Variants in MEF2A observed in about 807,000 individuals in gnomAD.
The protein encoded by MEF2A is myocyte enhancer factor 2A.
In MEF2A, 28 loss-of-function variants were observed where a neutral mutation model predicts 55.8. The observed-to-expected ratio is 0.50, with a 90% CI of 0.37 to 0.69. The LOEUF (loss-of-function observed/expected upper bound fraction) is 0.69. MEF2A is among the 30% of genes least tolerant of loss of function. The probability of loss-of-function intolerance (pLI) is 0.00; values close to 1 mark genes in which losing one functional copy is unlikely to be tolerated. For synonymous variants in MEF2A, 239 were observed against 227.1 expected, an observed-to-expected ratio of 1.05 and a Z score of -0.47; for missense variants, 528 against 626.2, an observed-to-expected ratio of 0.84 and a Z score of 1.67.
intron 2 of MEF2A, among the ~76,000 whole-genome samples, chr15:99,610,949 C>T (rs909992335): frequency 6.6e-6 from 1 of 152,180 alleles, no homozygotes; most frequent in Non-Finnish European, 1.5e-5. Flanking sequence ...GGGACACTAT[C>T]AAGGAAATGA....
chr15:99,568,347 G>A (rs1482971355), intron 1 of MEF2A, among the ~76,000 whole-genome samples: 1 of 152,080 alleles, frequency 6.6e-6, no homozygotes, highest in Non-Finnish European at 1.5e-5. Context: ...TGTAAATGCA[G>A]TTGGAAATAA....
chr15:99,592,825 C>T (rs1969804589), intron 1 of MEF2A, among the ~76,000 whole-genome samples: 3 of 152,236 alleles, frequency 2.0e-5, no homozygotes, highest in Admixed American at 1.3e-4. Flanking sequence ...ACACCTCTCA[C>T]CAAGTCCCAC....
chr15:99,643,484 C>T (rs1013541641), intron 3 of MEF2A, among the ~76,000 whole-genome samples: 1 of 152,048 alleles, frequency 6.6e-6, no homozygotes, highest in Non-Finnish European at 1.5e-5. Context: ...TTGCTTTCCT[C>T]CATTGTATTC....
intron 4 of MEF2A, among the ~76,000 whole-genome samples, chr15:99,646,426 T>C (rs769009125): frequency 5.3e-5 from 8 of 152,156 alleles, no homozygotes; most frequent in Non-Finnish European, 1.0e-4. Flanking sequence ...AACTTTTCCA[T>C]GTGTATTTCT....
chr15:99,579,649 A>G (rs550558798), intron 1 of MEF2A, among the ~76,000 whole-genome samples: 4 of 151,972 alleles, frequency 2.6e-5, no homozygotes, highest in East Asian at 3.9e-4. Flanking sequence ...ACTTGCCTCA[A>G]CCTCCCAAAG....
intron 1 of MEF2A, among the ~76,000 whole-genome samples, chr15:99,576,565 C>T (rs1004165918): frequency 2.0e-5 from 3 of 151,192 alleles, no homozygotes; most frequent in Non-Finnish European, 4.4e-5. Context: ...GGAAACCTTT[C>T]TTTTAAGTGA....
chr15:99,577,824 G>A (rs528042796), intron 1 of MEF2A, among the ~76,000 whole-genome samples: 9 of 152,020 alleles, frequency 5.9e-5, no homozygotes, highest in African/African-American at 1.4e-4. Context: ...AGTACTGGTC[G>A]TTACTTTGTA....
intron 7 of MEF2A, among the ~76,000 whole-genome samples, chr15:99,687,062 C>CTT (rs1441340257): frequency 6.7e-6 from 1 of 150,280 alleles, no homozygotes; most frequent in Non-Finnish European, 1.5e-5. Flanking sequence ...CAGGTGCACA[C>CTT]CACCATGTCC....
intron 4 of MEF2A, among the ~76,000 whole-genome samples, chr15:99,657,717 A>G (rs2047966888): frequency 6.6e-6 from 1 of 152,078 alleles, no homozygotes; most frequent in Non-Finnish European, 1.5e-5. Flanking sequence ...GATACCCCCA[A>G]AACCCTTTAA....
intron 1 of MEF2A, among the ~76,000 whole-genome samples, chr15:99,585,090 T>C (rs1249155605): frequency 6.6e-6 from 1 of 152,214 alleles, no homozygotes; most frequent in Non-Finnish European, 1.5e-5. Context: ...TAAAAACCTA[T>C]CTTTTTAACC....
At chr15:99,672,792 A>G (rs2051135106) in intron 5 of MEF2A, among the ~76,000 whole-genome samples, 1 of 152,176 alleles carries the variant, frequency 6.6e-6, no homozygotes, top group Non-Finnish European at 1.5e-5. Context: ...TACCTTACAT[A>G]CTCATGGACT....
chr15:99,609,316 A>G (rs896324510), intron 2 of MEF2A, among the ~76,000 whole-genome samples: 2 of 152,156 alleles, frequency 1.3e-5, no homozygotes, highest in African/African-American at 4.8e-5. Flanking sequence ...TTTGAATTTT[A>G]CCTAAAAATG....
At chr15:99,597,305 C>T (rs375123988) in intron 1 of MEF2A, among the ~76,000 whole-genome samples, 7 of 152,022 alleles carry the variant, frequency 4.6e-5, no homozygotes, top group South Asian at 4.2e-4. Context: ...CGGGTGTGGT[C>T]GTCTCTTATG....
intron 3 of MEF2A, among the ~76,000 whole-genome samples, chr15:99,645,170 T>A (rs1172091342): frequency 1.3e-5 from 2 of 152,100 alleles, no homozygotes; most frequent in African/African-American, 4.8e-5. Context: ...GATTAGTGGA[T>A]GTATTTAGTT....
rs1388689533 is a variant in MEF2A at position 99,715,955 on chromosome 15, TTAACTAGAAGGA to T, written c.*3192_*3203del. 6.5e-6 allele frequency: 1 copy of T among 153,248 alleles called. No homozygotes were observed. The highest frequency in any genetic ancestry group is 1.5e-5 in the Non-Finnish European group (1 of 68,766). The allele number at this position is 153,248 out of a possible 1,614,324, so 9.5% of individuals were successfully genotyped here. ...AACAATACATGTTTTACCCTTTCCT[TTAACTAGAAGGA>T]TAACTAGTAATGCATCAACATAATT... On this transcript the variant is annotated 3_prime_UTR_variant, in exon 12 of 12. Transcript: ENST00000557942.
At chr15:99,699,181 G>A (rs1019960123) in intron 8 of MEF2A, among the ~76,000 whole-genome samples, 9 of 152,098 alleles carry the variant, frequency 5.9e-5, no homozygotes, top group African/African-American at 1.7e-4. Flanking sequence ...GTGAAACACT[G>A]AAACTAGCCT....
chr15:99,638,617 T>C (rs750903787), intron 3 of MEF2A, among the ~76,000 whole-genome samples: 1 of 152,190 alleles, frequency 6.6e-6, no homozygotes, highest in Non-Finnish European at 1.5e-5. Context: ...TCTGATAATA[T>C]AGTTTCAATT....
At chr15:99,676,908 T>G (rs1246541273) in intron 7 of MEF2A, among the ~76,000 whole-genome samples, 2 of 151,964 alleles carry the variant, frequency 1.3e-5, no homozygotes, top group Non-Finnish European at 2.9e-5. Flanking sequence ...GCAAATAGTC[T>G]CTGGAAGAAT....
At chr15:99,676,647 A>C (rs2052124765) in intron 7 of MEF2A, among the ~76,000 whole-genome samples, 1 of 150,388 alleles carries the variant, frequency 6.6e-6, no homozygotes, top group African/African-American at 2.5e-5. Context: ...ATCTCCGCTC[A>C]CTGCAAACTT....
Sources: allele counts gnomAD v4.1 joint callset (sites outside exome capture counted in the v4.1 genomes callset), GRCh38; gene constraint gnomAD v4.1.1; transcripts MANE v1.5; gene names NCBI Gene and HGNC (gene_info 2026-07-23, HGNC 2026-07-21).